The following MICAL3 variants were observed in gnomAD, a reference collection of about 807,000 sequenced individuals.
MICAL3 encodes [F-actin]-monooxygenase MICAL3.
MICAL3 carries 62 observed loss-of-function variants against 207.4 expected under a neutral mutation model. The ratio of observed to expected loss-of-function variants is 0.30; its 90% CI spans 0.24 to 0.37. The LOEUF (loss-of-function observed/expected upper bound fraction) is 0.37. Ranked by LOEUF, MICAL3 falls within the 10% of genes least tolerant of loss-of-function variation. The probability of loss-of-function intolerance (pLI) is 1.00; values close to 1 mark genes in which losing one functional copy is unlikely to be tolerated. For synonymous variants in MICAL3, 1,077 were observed against 1,069.3 expected, an observed-to-expected ratio of 1.01 and a Z score of -0.14; for missense variants, 2,368 against 2,635.6, an observed-to-expected ratio of 0.90 and a Z score of 2.22.
chr22:17,936,943 G>C (rs1933560537), intron 1 of MICAL3, among the ~76,000 whole-genome samples: 1 of 152,174 alleles, frequency 6.6e-6, no homozygotes, highest in Non-Finnish European at 1.5e-5. Flanking sequence ...ACCTTCCTCT[G>C]CAAGAGCACA....
At chr22:17,929,504 C>G (rs1199601743) in intron 1 of MICAL3, among the ~76,000 whole-genome samples, 1 of 151,872 alleles carries the variant, frequency 6.6e-6, no homozygotes, top group Non-Finnish European at 1.5e-5. Flanking sequence ...AAAGGCTCCC[C>G]TCTGTAAACA....
intron 23 of MICAL3, among the ~76,000 whole-genome samples, chr22:17,822,450 C>T (rs569608130): frequency 1.4e-4 from 22 of 152,314 alleles, no homozygotes; most frequent in African/African-American, 4.1e-4. Flanking sequence ...TGATGGGCTG[C>T]GACAGACAAA....
chr22:17,984,367 C>T (rs424923), intron 1 of MICAL3, among the ~76,000 whole-genome samples: 86,359 of 152,140 alleles, frequency 0.57, 24,747 homozygotes, highest in Middle Eastern at 0.7. Flanking sequence ...TTCACCTAAT[C>T]CTGCGAACGC....
intron 1 of MICAL3, among the ~76,000 whole-genome samples, chr22:17,965,941 G>GACCA (rs1935123396): frequency 6.6e-6 from 1 of 152,136 alleles, no homozygotes; most frequent in South Asian, 2.1e-4. Context: ...ACCACCACGG[G>GACCA]ACCAACCACC....
intron 15 of MICAL3, among the ~76,000 whole-genome samples, 166 bp downstream of exon 15, chr22:17,887,004 A>AG (rs1929963784): frequency 6.8e-6 from 1 of 147,872 alleles, no homozygotes. Flanking sequence ...AAAAAAAAAA[A>AG]AAAAAAAAAA....
chr22:17,939,160 T>C (rs5992908), intron 1 of MICAL3, among the ~76,000 whole-genome samples: 85,246 of 152,028 alleles, frequency 0.56, 24,386 homozygotes, highest in Middle Eastern at 0.71. Context: ...TCCCTTGCCA[T>C]GTGATCAGCC....
rs1055504738 is a variant in MICAL3, at chr22:17,869,066, G to A, written c.2428+2771C>T. 5.9e-5 allele frequency among the ~76,000 whole-genome samples: 9 copies of A among 152,320 alleles called. No homozygotes were observed. In the East Asian group the frequency reaches 1.7e-3, roughly 29 times the overall value. ...GGAGACCAGGGGGTGTGCTCCAGGA[G>A]AGGACACAGCAGAGCCACGTCCTAA... On this transcript the variant is annotated intron_variant, in intron 17 of 31. Transcript: ENST00000441493.
chr22:17,976,221 T>G (rs1016663582), intron 1 of MICAL3, among the ~76,000 whole-genome samples: 1 of 152,206 alleles, frequency 6.6e-6, no homozygotes, highest in Non-Finnish European at 1.5e-5. Context: ...GTTTAAGTTT[T>G]TCATTCTGGT....
At chr22:18,002,608 G>T (rs1433890397) in intron 1 of MICAL3, among the ~76,000 whole-genome samples, 3 of 152,120 alleles carry the variant, frequency 2.0e-5, no homozygotes, top group Non-Finnish European at 4.4e-5. Flanking sequence ...ACTCCAGCCT[G>T]GACAACAGAG....
chr22:17,956,661 G>C (rs941993082), intron 1 of MICAL3, among the ~76,000 whole-genome samples: 1 of 152,134 alleles, frequency 6.6e-6, no homozygotes, highest in African/African-American at 2.4e-5. Context: ...GCCGACTCCT[G>C]CACTGCGACT....
At chr22:17,917,415 G>A (rs775138191) in intron 1 of MICAL3, among the ~76,000 whole-genome samples, 5 of 152,104 alleles carry the variant, frequency 3.3e-5, no homozygotes, top group Non-Finnish European at 5.9e-5. Context: ...CCCACGGTCC[G>A]TTCTTCAGAA....
At chr22:17,910,078 T>G (rs1265318837) in intron 1 of MICAL3, among the ~76,000 whole-genome samples, 3 of 152,206 alleles carry the variant, frequency 2.0e-5, no homozygotes. Context: ...AAAATGACTT[T>G]TCTTTGTTTC....
At chr22:17,832,167 G>C (rs1922874467) in intron 20 of MICAL3, 60 bp from the exon 21 acceptor site, 1 of 1,532,876 alleles carries the variant, frequency 6.5e-7, no homozygotes, top group African/African-American at 1.4e-5. Flanking sequence ...AGAAGGGGAA[G>C]GGGAAGGGCC....
At chr22:17,832,224 G>A (rs545430011) in intron 20 of MICAL3, 117 bp from the exon 21 acceptor site, 79 of 1,297,950 alleles carry the variant, frequency 6.1e-5, no homozygotes, top group Admixed American at 1.1e-4. Flanking sequence ...CTGAGCAGGC[G>A]GAGAGAGACA....
chr22:17,887,181 G>C lies in MICAL3; in HGVS notation c.2056C>G (p.Gln686Glu). 6.2e-7 allele frequency: 1 copy of C among 1,613,428 alleles called. No homozygotes were observed. The highest frequency in any genetic ancestry group is 8.5e-7 in the Non-Finnish European group (1 of 1,179,596). The change falls in exon 15 of 32, where the codon CAA (glutamine) becomes GAA (glutamate). Residue 686 changes from glutamine to glutamate, a missense_variant. Coordinates refer to ENST00000441493, the MANE Select transcript of MICAL3 (RefSeq NM_015241.3). ...CAAGTGAATCTCACCTCCTCTGATTGACTGGTCTTTCTCCTCTTCCCAGCA... is the reference window on the plus strand; with the variant it reads ...CAAGTGAATCTCACCTCCTCTGATTCACTGGTCTTTCTCCTCTTCCCAGCA... ...DGAGKRRKTS[Q>E]SEEEEAPRGH...
intron 1 of MICAL3, among the ~76,000 whole-genome samples, chr22:17,953,442 G>A (rs1934447563): frequency 6.6e-6 from 1 of 152,030 alleles, no homozygotes; most frequent in Admixed American, 6.5e-5. Flanking sequence ...TGGGAAGATG[G>A]GACACGATCT....
At chr22:17,875,458 A>G in intron 16 of MICAL3, 1 of 1,548,488 alleles carries the variant, frequency 6.5e-7, no homozygotes, top group Non-Finnish European at 8.7e-7. Flanking sequence ...TGTCGGAGGG[A>G]GTCGGAGGAG....
intron 19 of MICAL3, chr22:17,862,162 C>T (rs1320513088): frequency 7.1e-6 from 7 of 985,274 alleles, no homozygotes; most frequent in East Asian, 2.3e-4. Context: ...CTCTACTGGT[C>T]GAGTGCACAG....
chr22:17,941,877 C>CCACCCCCATTCTAA (rs1933822383), intron 1 of MICAL3, among the ~76,000 whole-genome samples: 1 of 152,146 alleles, frequency 6.6e-6, no homozygotes, highest in South Asian at 2.1e-4. Context: ...AAAGTGCCTC[C>CCACCCCCATTCTAA]AGGGCCCAGG....
Sources: gnomAD v4.1 joint callset for allele counts (sites outside exome capture counted in the v4.1 genomes callset) on GRCh38, gnomAD v4.1.1 for gene constraint, MANE v1.5 for transcripts, NCBI Gene and HGNC (gene_info 2026-07-23, HGNC 2026-07-21) for gene names.